The following RBBP5 variants were observed in gnomAD, a reference collection of about 807,000 sequenced individuals.
The protein encoded by RBBP5 is retinoblastoma-binding protein 5.
A neutral mutation model predicts 72.2 loss-of-function variants in RBBP5; 5 were observed. The observed-to-expected ratio is 0.07, with a 90% CI of 0.04 to 0.15. The LOEUF is 0.15. Ranked by LOEUF, RBBP5 falls within the 10% of genes least tolerant of loss-of-function variation. The probability of loss-of-function intolerance (pLI) is 1.00; values close to 1 mark genes in which losing one functional copy is unlikely to be tolerated. For missense variants in RBBP5, 322 were observed against 652.2 expected (o/e 0.49, Z 5.51); for synonymous variants, 209 against 237.2 (o/e 0.88, Z 1.09).
chr1:205,114,249 A>T (rs1407264368), intron 3 of RBBP5, among the ~76,000 whole-genome samples: 1 of 152,062 alleles, frequency 6.6e-6, no homozygotes, highest in Non-Finnish European at 1.5e-5. Context: ...AAGTTCATTT[A>T]AAAAAAATGC....
chr1:205,103,716 G>T, intron 5 of RBBP5, 141 bp downstream of exon 5: 1 of 969,740 alleles, frequency 1.0e-6, no homozygotes, highest in Non-Finnish European at 1.5e-6. Flanking sequence ...ATTAAGAGAT[G>T]GAAGAAAATT....
intron 1 of RBBP5, among the ~76,000 whole-genome samples, chr1:205,121,398 C>T (rs1656731752): frequency 6.6e-6 from 1 of 152,178 alleles, no homozygotes; most frequent in Non-Finnish European, 1.5e-5. Context: ...AGCCTTTATT[C>T]ATCTGTTCAA....
rs1208953206 is a variant in RBBP5 at position 205,087,322 on chromosome 1, G to C, written c.*1465C>G. ...AGTGATTCTCCTGACTCAGCCTCCA[G>C]TGTAGCTGGGATTACAGGCATGTAC... On this transcript the variant is annotated 3_prime_UTR_variant, in exon 14 of 14. Transcript: ENST00000264515. 1 of 151,676 alleles carries C rather than the reference G, an allele frequency of 6.6e-6. No individual in the cohort carries two copies. Among genetic ancestry groups the C allele is most frequent in the African/African-American group, 2.4e-5 (1 of 41,270 alleles). The allele number at this position is 151,676 out of a possible 1,614,324, so 9.4% of individuals were successfully genotyped here.
intron 3 of RBBP5, among the ~76,000 whole-genome samples, chr1:205,107,017 T>C (rs940545835): frequency 6.6e-6 from 1 of 151,678 alleles, no homozygotes; most frequent in Non-Finnish European, 1.5e-5. Context: ...CATAGACATA[T>C]ATATATATGT....
intron 1 of RBBP5, chr1:205,116,377 A>C (rs1656521154): frequency 3.2e-6 from 1 of 316,658 alleles, no homozygotes; most frequent in Admixed American, 3.8e-5. Context: ...ACATAAACAA[A>C]AACTCTCTGG....
At chr1:205,091,046 G>C (rs985138560) in intron 13 of RBBP5, 1 of 152,392 alleles carries the variant, frequency 6.6e-6, no homozygotes, top group East Asian at 1.9e-4. Context: ...AGGGAAATCT[G>C]CATGGTGCCT....
At chr1:205,118,621 T>C (rs1359758696) in intron 1 of RBBP5, among the ~76,000 whole-genome samples, 1 of 151,264 alleles carries the variant, frequency 6.6e-6, no homozygotes, top group East Asian at 1.9e-4. Context: ...AGACTCCCTC[T>C]AAAGAAAAAA....
rs61068820 is a variant in RBBP5, at chr1:205,087,553, GAAAAAAAA to G, written c.*1226_*1233del. 3 of 77,116 alleles carry G rather than the reference GAAAAAAAA, an allele frequency of 3.9e-5. No individual in the cohort carries two copies. The highest frequency in any genetic ancestry group is 3.6e-4 in the East Asian group (1 of 2,796). The allele number at this position is 77,116 out of a possible 1,614,324, so 4.8% of individuals were successfully genotyped here. A position where few individuals can be genotyped will look rare whatever the true frequency, so the allele number is the denominator to read the frequency against. ...ATTTAAATTCTCCTTTTAAAATATTGAAAAAAAAAAAAAAAAAAAAAAGACGATCCAGA... is the reference window on the plus strand; with the variant it reads ...ATTTAAATTCTCCTTTTAAAATATTGAAAAAAAAAAAAAAGACGATCCAGA... On this transcript the variant is annotated 3_prime_UTR_variant, in exon 14 of 14. Coordinates refer to ENST00000264515, the MANE Select transcript of RBBP5 (RefSeq NM_005057.4).
chr1:205,111,315 C>A (rs1656306997), intron 3 of RBBP5, among the ~76,000 whole-genome samples: 1 of 152,166 alleles, frequency 6.6e-6, no homozygotes, highest in Admixed American at 6.5e-5. Flanking sequence ...ATATCAGGTA[C>A]AACGCTAGAA....
chr1:205,097,842 A>G (rs1466952494), intron 10 of RBBP5, among the ~76,000 whole-genome samples: 1 of 152,202 alleles, frequency 6.6e-6, no homozygotes, highest in Non-Finnish European at 1.5e-5. Flanking sequence ...AGTGAGGACC[A>G]GCACTTTGAC....
At position 205,103,890 on chromosome 1, in the gene RBBP5, C is replaced by T. The variant is rs1558576195; in HGVS notation, c.489G>A (p.Gly163=). 2 of 1,613,990 alleles carry T rather than the reference C, an allele frequency of 1.2e-6. No homozygotes were observed. The highest frequency in any genetic ancestry group is 2.2e-5 in the East Asian group (1 of 44,888). The change falls in exon 5 of 14, where the codon GGG becomes GGA. Residue 163 remains glycine, a synonymous_variant. Coordinates refer to ENST00000264515, the MANE Select transcript of RBBP5 (RefSeq NM_005057.4). ...TTGCGTTTCCCGTATAAATATATTC[C>T]CCTCGCCTATCAAAAGATGCCACAA... ...LNVVASFDRR[G]EYIYTGNAKG...
chr1:205,114,746 T>C (rs1205181757), intron 3 of RBBP5, 43 bp downstream of exon 3: 3 of 1,434,542 alleles, frequency 2.1e-6, no homozygotes, highest in South Asian at 1.4e-5. Flanking sequence ...ATAGTCATCA[T>C]TCATTCTCCT....
At chr1:205,110,504 T>C (rs924265910) in intron 3 of RBBP5, among the ~76,000 whole-genome samples, 3 of 152,156 alleles carry the variant, frequency 2.0e-5, no homozygotes, top group Non-Finnish European at 2.9e-5. Context: ...CAATACTCTA[T>C]AGACACAACT....
chr1:205,090,578 G>T (rs1655304780), intron 13 of RBBP5, among the ~76,000 whole-genome samples: 1 of 152,184 alleles, frequency 6.6e-6, no homozygotes, highest in African/African-American at 2.4e-5. Context: ...GAAGACTCCA[G>T]CCAATTTAAA....
At chr1:205,102,702 C>G (rs1655883172) in intron 5 of RBBP5, among the ~76,000 whole-genome samples, 1 of 151,984 alleles carries the variant, frequency 6.6e-6, no homozygotes, top group South Asian at 2.1e-4. Context: ...TCTTAAAAAT[C>G]AACTTTCTAG....
intron 4 of RBBP5, 111 bp from the exon 5 acceptor site, chr1:205,104,130 C>T: frequency 8.6e-7 from 1 of 1,159,644 alleles, no homozygotes; most frequent in Non-Finnish European, 1.2e-6. Context: ...CCCACCCAAG[C>T]AAATTTGAAA....
intron 13 of RBBP5, chr1:205,091,701 T>C (rs1445683154): frequency 6.6e-6 from 1 of 152,226 alleles, no homozygotes; most frequent in Non-Finnish European, 1.5e-5. Flanking sequence ...AACAAACAGT[T>C]GTCATTCATC....
At chr1:205,096,617 G>A in intron 12 of RBBP5, 65 bp downstream of exon 12, 9 of 1,433,996 alleles carry the variant, frequency 6.3e-6, no homozygotes, top group East Asian at 2.3e-5. Context: ...AAATTACCAG[G>A]TTGCGCTGGG....
At chr1:205,105,450 A>G (rs1656017980) in intron 3 of RBBP5, among the ~76,000 whole-genome samples, 1 of 152,242 alleles carries the variant, frequency 6.6e-6, no homozygotes, top group African/African-American at 2.4e-5. Context: ...AGAAGAGTCT[A>G]AAAAATCAGC....
Sources: gnomAD v4.1 joint callset for allele counts (sites outside exome capture counted in the v4.1 genomes callset) on GRCh38, gnomAD v4.1.1 for gene constraint, MANE v1.5 for transcripts, NCBI Gene and HGNC (gene_info 2026-07-23, HGNC 2026-07-21) for gene names.